Variants in ADGRB3 observed in about 807,000 individuals in gnomAD.
The protein encoded by ADGRB3 is brain-specific angiogenesis inhibitor 3.
A neutral mutation model predicts 193.4 loss-of-function variants in ADGRB3; 37 were observed. That is an observed-to-expected ratio of 0.19 (90% CI 0.15 to 0.25). The LOEUF (loss-of-function observed/expected upper bound fraction) is 0.25, where lower values mean the gene tolerates loss of function less well. Among genes scored for constraint, ADGRB3 ranks in the 10% least tolerant of loss-of-function variants. The pLI is 1.00. For synonymous variants in ADGRB3, 690 were observed against 644.2 expected (o/e 1.07, Z -1.08); for missense variants, 1,637 against 1,852.9 (o/e 0.88, Z 2.14).
intron 3 of ADGRB3, among the ~76,000 whole-genome samples, chr6:68,808,258 TATC>T (rs533855358): frequency 4.2e-4 from 64 of 152,246 alleles, no homozygotes; most frequent in African/African-American, 1.5e-3. Flanking sequence ...AGAGAAGTAA[TATC>T]ATCATCATGT....
At chr6:69,241,685 G>T (rs1766387728) in intron 20 of ADGRB3, among the ~76,000 whole-genome samples, 1 of 151,876 alleles carries the variant, frequency 6.6e-6, no homozygotes, top group Admixed American at 6.6e-5. Flanking sequence ...TTGAGGAAGG[G>T]CTGGTATTGA....
chr6:68,746,236 A>G (rs1361043674), intron 3 of ADGRB3, among the ~76,000 whole-genome samples: 1 of 151,904 alleles, frequency 6.6e-6, no homozygotes, highest in African/African-American at 2.4e-5. Context: ...TTAATATATC[A>G]CATTACTATT....
chr6:69,199,429 A>G (rs944886789), intron 17 of ADGRB3, among the ~76,000 whole-genome samples: 1 of 152,102 alleles, frequency 6.6e-6, no homozygotes, highest in African/African-American at 2.4e-5. Flanking sequence ...CCATTATGAA[A>G]ATTAAATGAG....
intron 11 of ADGRB3, among the ~76,000 whole-genome samples, chr6:69,001,641 T>C (rs1769580278): frequency 6.6e-6 from 1 of 152,108 alleles, no homozygotes. Context: ...GAAAGGCCCT[T>C]GAAACAGTTT....
intron 3 of ADGRB3, among the ~76,000 whole-genome samples, chr6:68,741,080 G>T (rs1246185214): frequency 1.3e-5 from 2 of 152,014 alleles, no homozygotes; most frequent in African/African-American, 2.4e-5. Flanking sequence ...AAAACCATTT[G>T]TCAGTTTGCT....
At chr6:69,343,131 A>C (rs1769012938) in intron 26 of ADGRB3, among the ~76,000 whole-genome samples, 1 of 117,600 alleles carries the variant, frequency 8.5e-6, no homozygotes. Context: ...TATGGAGCCT[A>C]ATTTATTTTA....
At chr6:68,833,195 T>C (rs921202155) in intron 3 of ADGRB3, among the ~76,000 whole-genome samples, 28 of 152,280 alleles carry the variant, frequency 1.8e-4, no homozygotes, top group South Asian at 1.0e-3. Context: ...TTCATACATG[T>C]AACTGTTCAT....
intron 3 of ADGRB3, among the ~76,000 whole-genome samples, chr6:68,852,053 A>G (rs1006979645): frequency 6.6e-6 from 1 of 151,916 alleles, no homozygotes; most frequent in African/African-American, 2.4e-5. Context: ...AACCTATTGT[A>G]GGTTTATAAG....
At chr6:68,949,441 G>A (rs186819976) in intron 6 of ADGRB3, among the ~76,000 whole-genome samples, 2 of 152,144 alleles carry the variant, frequency 1.3e-5, no homozygotes, top group African/African-American at 4.8e-5. Flanking sequence ...TCATAAACAG[G>A]TAGACCCAAA....
chr6:68,908,960 T>C (rs1766623747), intron 3 of ADGRB3, among the ~76,000 whole-genome samples: 1 of 152,154 alleles, frequency 6.6e-6, no homozygotes. Flanking sequence ...TAAGTGATTC[T>C]CCTGAGACCC....
intron 17 of ADGRB3, among the ~76,000 whole-genome samples, chr6:69,137,368 T>TG (rs1306827798): frequency 6.6e-6 from 1 of 152,060 alleles, no homozygotes; most frequent in African/African-American, 2.4e-5. Flanking sequence ...ACATTTTCTG[T>TG]GTTTTTTTTT....
chr6:68,802,059 A>G (rs1276738010), intron 3 of ADGRB3, among the ~76,000 whole-genome samples: 1 of 152,220 alleles, frequency 6.6e-6, no homozygotes, highest in Non-Finnish European at 1.5e-5. Flanking sequence ...AACTGAAATA[A>G]TATAATTTCA....
chr6:68,887,011 G>T (rs1025945130), intron 3 of ADGRB3, among the ~76,000 whole-genome samples: 4 of 150,908 alleles, frequency 2.7e-5, no homozygotes, highest in Non-Finnish European at 5.9e-5. Flanking sequence ...AATAATATTT[G>T]CATACTCACC....
intron 30 of ADGRB3, among the ~76,000 whole-genome samples, chr6:69,380,705 A>G (rs780444061): frequency 1.3e-5 from 2 of 151,988 alleles, no homozygotes; most frequent in African/African-American, 2.4e-5. Context: ...TATCACTTTC[A>G]TAGCAGTACC....
At chr6:69,249,255 C>A (rs1766566101) in intron 20 of ADGRB3, among the ~76,000 whole-genome samples, 1 of 152,174 alleles carries the variant, frequency 6.6e-6, no homozygotes, top group African/African-American at 2.4e-5. Flanking sequence ...GGATTACAGG[C>A]ATGAGCCACG....
In ADGRB3 at chr6:68,843,051, C is replaced by CAAAA. The variant is rs55855427; in HGVS notation, c.758-87500_758-87497dup. Among the ~76,000 whole-genome samples the CAAAA allele has an allele frequency of 8.0e-4, 104 of 129,944 alleles. No homozygotes were observed. The Middle Eastern group carries it at 0.019, about 24-fold the overall frequency. The allele number at this position is 129,944 out of a possible 152,430, so 85.2% of individuals were successfully genotyped here. A position where few individuals can be genotyped will look rare whatever the true frequency, so the allele number is the denominator to read the frequency against. ...ACACAATAAAAGCCATATACAACAA[C>CAAAA]AAAAAAAAAAACAGGAAATGTCGTA... On this transcript the variant is annotated intron_variant, in intron 3 of 31. Coordinates refer to ENST00000370598, the MANE Select transcript of ADGRB3 (RefSeq NM_001704.3).
chr6:68,859,528 A>G (rs1765092402), intron 3 of ADGRB3, among the ~76,000 whole-genome samples: 2 of 152,122 alleles, frequency 1.3e-5, no homozygotes, highest in Admixed American at 1.3e-4. Context: ...ACACTTTGAC[A>G]TTGCTTGAGA....
intron 3 of ADGRB3, among the ~76,000 whole-genome samples, chr6:68,714,718 G>A (rs181575318): frequency 4.8e-4 from 73 of 151,840 alleles, no homozygotes; most frequent in African/African-American, 1.6e-3. Context: ...TCAACAGACT[G>A]GGAAATATAA....
chr6:69,107,728 A>C (rs373097539), intron 17 of ADGRB3, among the ~76,000 whole-genome samples: 2 of 152,230 alleles, frequency 1.3e-5, no homozygotes, highest in African/African-American at 4.8e-5. Flanking sequence ...GAATGAAATC[A>C]TGTCCCTTGT....
Sources: gnomAD v4.1 joint callset for allele counts (sites outside exome capture counted in the v4.1 genomes callset) on GRCh38, gnomAD v4.1.1 for gene constraint, MANE v1.5 for transcripts, NCBI Gene and HGNC (gene_info 2026-07-23, HGNC 2026-07-21) for gene names.